Variants in TRMT11 observed in about 807,000 individuals in gnomAD.
The protein encoded by TRMT11 is tRNA (guanine(10)-N(2))-methyltransferase TRMT11.
A neutral mutation model predicts 62.8 loss-of-function variants in TRMT11; 53 were observed. The ratio of observed to expected loss-of-function variants is 0.84; its 90% CI spans 0.68 to 1.06. TRMT11 has a LOEUF of 1.06. Ranked by LOEUF, TRMT11 falls within the 50% of genes least tolerant of loss-of-function variation. The pLI is 0.00. For synonymous variants in TRMT11, 188 were observed against 190.3 expected (o/e 0.99, Z 0.10); for missense variants, 556 against 553.4 (o/e 1.00, Z -0.05).
At chr6:126,228,139 G>A in the TRMT11 span, among the ~76,000 whole-genome samples, 5,107 of 152,314 alleles carry the variant, frequency 0.034, 250 homozygotes, top group African/African-American at 0.12. Context: ...GCCCAGCTCT[G>A]GGGTGAAGCT....
At chr6:126,146,796 G>T (rs961751805) in intron 21 of TRMT11, among the ~76,000 whole-genome samples, 1 of 152,158 alleles carries the variant, frequency 6.6e-6, no homozygotes, top group African/African-American at 2.4e-5. Context: ...GGGATTACAG[G>T]CATGAGCCAC....
intron 21 of TRMT11, among the ~76,000 whole-genome samples, chr6:126,159,805 A>G (rs759225831): frequency 2.0e-5 from 3 of 151,946 alleles, no homozygotes; most frequent in African/African-American, 4.8e-5. Context: ...GGTCACTACA[A>G]TCTGCCTCTG....
downstream of TRMT11, among the ~76,000 whole-genome samples, chr6:126,041,430 T>C (rs1285725346): frequency 1.3e-5 from 2 of 152,148 alleles, no homozygotes; most frequent in African/African-American, 4.8e-5. Flanking sequence ...GATGCCAATA[T>C]AAGCAACTCT....
chr6:126,030,940 A>G (rs1370870775), intron 12 of TRMT11, among the ~76,000 whole-genome samples: 1 of 152,198 alleles, frequency 6.6e-6, no homozygotes, highest in Non-Finnish European at 1.5e-5. Context: ...AACTCTTGGC[A>G]ATGAAGGGAC....
chr6:126,264,758 G>T, the TRMT11 span, among the ~76,000 whole-genome samples: 2,150 of 152,136 alleles, frequency 0.014, 49 homozygotes, highest in African/African-American at 0.046. Flanking sequence ...GATCTTCTTG[G>T]TTCTACAGCA....
chr6:126,267,048 G>A, the TRMT11 span, among the ~76,000 whole-genome samples: 1 of 151,932 alleles, frequency 6.6e-6, no homozygotes. Flanking sequence ...TGCATATTTT[G>A]GTTTAGGCCC....
chr6:125,987,372 T>G (rs749237674), intron 1 of TRMT11, among the ~76,000 whole-genome samples: 3 of 152,102 alleles, frequency 2.0e-5, no homozygotes, highest in Admixed American at 6.5e-5. Context: ...TAAATTAGAA[T>G]TACAAGGTGT....
chr6:126,257,822 G>T, the TRMT11 span: 1 of 858,974 alleles, frequency 1.2e-6, no homozygotes, highest in Non-Finnish European at 1.9e-6. Context: ...CCTGCTCATG[G>T]CACTGAGCCT....
intron 1 of TRMT11, among the ~76,000 whole-genome samples, chr6:126,186,348 G>A (rs1778527866): frequency 6.6e-6 from 1 of 151,942 alleles, no homozygotes; most frequent in Non-Finnish European, 1.5e-5. Context: ...TTTAATTATG[G>A]AAACACCTTG....
At chr6:126,019,569 A>C (rs1399858920) in intron 11 of TRMT11, among the ~76,000 whole-genome samples, 1 of 152,188 alleles carries the variant, frequency 6.6e-6, no homozygotes, top group Non-Finnish European at 1.5e-5. Flanking sequence ...AGGAAGTAAA[A>C]AATTTTTTTC....
intron 1 of TRMT11, among the ~76,000 whole-genome samples, chr6:126,190,937 C>A (rs1015906078): frequency 6.6e-6 from 1 of 152,098 alleles, no homozygotes; most frequent in African/African-American, 2.4e-5. Flanking sequence ...ATACTTATTT[C>A]CTTTCTTTTG....
intron 12 of TRMT11, among the ~76,000 whole-genome samples, chr6:126,027,028 G>A (rs1039506148): frequency 6.6e-6 from 1 of 151,500 alleles, no homozygotes; most frequent in Non-Finnish European, 1.5e-5. Flanking sequence ...GGATGGTCTC[G>A]ATTTCCTGAC....
the TRMT11 span, among the ~76,000 whole-genome samples, chr6:126,245,155 A>G: frequency 2.0e-5 from 3 of 152,234 alleles, no homozygotes; most frequent in African/African-American, 7.2e-5. Flanking sequence ...GTGAGCAATT[A>G]TTCTAGGAAC....
the TRMT11 span, among the ~76,000 whole-genome samples, chr6:126,257,768 T>C: frequency 6.6e-6 from 1 of 152,088 alleles, no homozygotes; most frequent in African/African-American, 2.4e-5. Context: ...TTAATAACAA[T>C]GAAGAACCCC....
intron 17 of TRMT11, among the ~76,000 whole-genome samples, chr6:126,085,107 T>G (rs1056958640): frequency 2.6e-5 from 4 of 152,158 alleles, no homozygotes; most frequent in Non-Finnish European, 4.4e-5. Context: ...AAATGGTAAC[T>G]ATGTGAGGTG....
chr6:126,107,446 C>T (rs1009946987), intron 17 of TRMT11, among the ~76,000 whole-genome samples: 20 of 152,128 alleles, frequency 1.3e-4, no homozygotes, highest in Non-Finnish European at 2.5e-4. Flanking sequence ...GAACTATTTA[C>T]CCCTTAAATA....
chr6:126,019,998 G>T (rs1400383438), intron 11 of TRMT11, among the ~76,000 whole-genome samples: 1 of 152,202 alleles, frequency 6.6e-6, no homozygotes, highest in Non-Finnish European at 1.5e-5. Flanking sequence ...ATAAAGTGAA[G>T]TGCATTATGA....
At chr6:126,079,283 TC>T (rs1777105498) in intron 17 of TRMT11, among the ~76,000 whole-genome samples, 1 of 152,144 alleles carries the variant, frequency 6.6e-6, no homozygotes, top group African/African-American at 2.4e-5. Flanking sequence ...AACAATTGGC[TC>T]ATGAAACTTC....
chr6:126,102,222 A>C (rs576643012), intron 17 of TRMT11, among the ~76,000 whole-genome samples: 38 of 152,326 alleles, frequency 2.5e-4, no homozygotes, highest in Non-Finnish European at 5.3e-4. Flanking sequence ...AAAGAAAAGA[A>C]GAAAAGAATG....
Sources: gnomAD v4.1 joint callset for allele counts (sites outside exome capture counted in the v4.1 genomes callset) on GRCh38, gnomAD v4.1.1 for gene constraint, MANE v1.5 for transcripts, NCBI Gene and HGNC (gene_info 2026-07-23, HGNC 2026-07-21) for gene names.